PKHD1: variants seen among roughly 807,000 people sequenced by gnomAD.
PKHD1 encodes the protein PKHD1 ciliary IPT domain containing fibrocystin/polyductin, also known as fibrocystin.
In PKHD1, 291 loss-of-function variants were observed where a neutral mutation model predicts 412.0. That is an observed-to-expected ratio of 0.71 (90% CI 0.64 to 0.78). The LOEUF is 0.78. Ranked by LOEUF, PKHD1 falls within the 30% of genes least tolerant of loss-of-function variation. The pLI is 0.00. For missense variants in PKHD1, 4,825 were observed against 4,950.7 expected, an observed-to-expected ratio of 0.97 and a Z score of 0.76; for synonymous variants, 1,777 against 1,821.5, an observed-to-expected ratio of 0.98 and a Z score of 0.62.
intron 23 of PKHD1, among the ~76,000 whole-genome samples, chr6:52,047,399 G>A (rs1806028878): frequency 6.6e-6 from 1 of 152,076 alleles, no homozygotes; most frequent in Admixed American, 6.6e-5. Context: ...CTGCTTGGGA[G>A]GGCAAAAGAC....
chr6:51,819,829 T>G (rs2151445894), intron 52 of PKHD1, among the ~76,000 whole-genome samples: 1 of 152,298 alleles, frequency 6.6e-6, no homozygotes, highest in African/African-American at 2.4e-5. Flanking sequence ...CTCTTTTAGC[T>G]CTCTTGGATG....
intron 21 of PKHD1, among the ~76,000 whole-genome samples, chr6:52,052,694 C>G (rs1431628800): frequency 6.6e-6 from 1 of 152,000 alleles, no homozygotes; most frequent in Non-Finnish European, 1.5e-5. Flanking sequence ...TATTAGACAC[C>G]TTCTATGGAC....
intron 65 of PKHD1, among the ~76,000 whole-genome samples, chr6:51,629,510 G>A (rs1767678431): frequency 6.6e-6 from 1 of 151,722 alleles, no homozygotes. Flanking sequence ...AAACCACAAG[G>A]TATACATTTT....
At chr6:51,834,665 T>TA (rs1768872477) in intron 51 of PKHD1, among the ~76,000 whole-genome samples, 4 of 152,188 alleles carry the variant, frequency 2.6e-5, no homozygotes, top group Admixed American at 2.0e-4. Context: ...CTAGCACAGA[T>TA]ACTACATACA....
chr6:51,987,171 G>A (rs1796323963), intron 35 of PKHD1, among the ~76,000 whole-genome samples: 1 of 152,204 alleles, frequency 6.6e-6, no homozygotes, highest in Non-Finnish European at 1.5e-5. Context: ...GAGTCCAGTT[G>A]TTTTCTCACT....
At chr6:51,856,305 G>C (rs765003667) in intron 48 of PKHD1, among the ~76,000 whole-genome samples, 4 of 152,162 alleles carry the variant, frequency 2.6e-5, no homozygotes, top group Admixed American at 2.6e-4. Context: ...GTGAACTGGA[G>C]GTGGTGACTC....
chr6:51,887,878 G>A (rs1479328839), intron 43 of PKHD1, among the ~76,000 whole-genome samples: 1 of 152,200 alleles, frequency 6.6e-6, no homozygotes, highest in Non-Finnish European at 1.5e-5. Flanking sequence ...CCTCCAGCCA[G>A]CTCAACTAGA....
At chr6:51,656,667 T>C (rs938257384) in intron 61 of PKHD1, among the ~76,000 whole-genome samples, 45 of 151,076 alleles carry the variant, frequency 3.0e-4, no homozygotes, top group African/African-American at 1.1e-3. Context: ...TTCTTTCTTT[T>C]TTTTTTTTTT....
intron 7 of PKHD1, among the ~76,000 whole-genome samples, chr6:52,072,761 C>A (rs1336283531): frequency 4.6e-5 from 7 of 152,116 alleles, no homozygotes; most frequent in African/African-American, 1.7e-4. Flanking sequence ...AAATTAGACA[C>A]CATGTATGGA....
At chr6:51,888,459 AT>A (rs57577144) in intron 43 of PKHD1, among the ~76,000 whole-genome samples, 7 of 150,764 alleles carry the variant, frequency 4.6e-5, no homozygotes, top group African/African-American at 7.3e-5. Flanking sequence ...ACACAGATGT[AT>A]TTTTTTTTGG....
At chr6:51,899,037 C>A (rs1691664148) in intron 43 of PKHD1, among the ~76,000 whole-genome samples, 1 of 152,104 alleles carries the variant, frequency 6.6e-6, no homozygotes, top group Non-Finnish European at 1.5e-5. Flanking sequence ...GCTTACCAAC[C>A]AAAAAGAGTC....
At chr6:51,847,696 C>T (rs1051737265) in intron 50 of PKHD1, 79 bp downstream of exon 50, 1 of 1,060,710 alleles carries the variant, frequency 9.4e-7, no homozygotes, top group Non-Finnish European at 1.5e-6. Flanking sequence ...CACTTCACAG[C>T]ACAAATGTCT....
intron 61 of PKHD1, among the ~76,000 whole-genome samples, chr6:51,657,701 C>T (rs1396286144): frequency 6.6e-6 from 1 of 151,978 alleles, no homozygotes; most frequent in Non-Finnish European, 1.5e-5. Context: ...AATGGCATGC[C>T]CCACATATAT....
At chr6:51,841,782 T>C (rs1411910263) in intron 50 of PKHD1, among the ~76,000 whole-genome samples, 9 of 152,212 alleles carry the variant, frequency 5.9e-5, no homozygotes, top group Admixed American at 5.9e-4. Context: ...CCTAAAGGAA[T>C]TATTTTCCAG....
intron 60 of PKHD1, among the ~76,000 whole-genome samples, chr6:51,739,509 G>A (rs2150936723): frequency 6.6e-6 from 1 of 152,276 alleles, no homozygotes; most frequent in East Asian, 1.9e-4. Flanking sequence ...AGGATTATAG[G>A]CATGAGCCAC....
intron 58 of PKHD1, 84 bp downstream of exon 58, chr6:51,747,703 G>T: frequency 1.2e-5 from 14 of 1,201,294 alleles, no homozygotes; most frequent in Non-Finnish European, 1.6e-5. Flanking sequence ...GTACCTTTTT[G>T]TTGATAAAAT....
chr6:51,638,704 A>G lies in PKHD1; in HGVS notation c.11506+145T>C, dbSNP rs147323378. 954 of 668,138 alleles carry G rather than the reference A, an allele frequency of 1.4e-3. 8 individuals are homozygous for G. In the African/African-American group the frequency reaches 0.016, roughly 11 times the overall value. The allele number at this position is 668,138 out of a possible 1,614,324, so 41.4% of individuals were successfully genotyped here. ...CATGTGCTCTTTCTTCTCAAGCTTA[A>G]TGATACAGTCAAGTGAATTTATTTT... On this transcript the variant is annotated intron_variant, in intron 64 of 66. Transcript: ENST00000371117.
chr6:51,985,483 C>G (rs911233991), intron 35 of PKHD1, among the ~76,000 whole-genome samples: 3 of 152,158 alleles, frequency 2.0e-5, no homozygotes, highest in African/African-American at 7.2e-5. Flanking sequence ...AATCCCAGCA[C>G]TTTAGAAGGC....
intron 20 of PKHD1, 104 bp downstream of exon 20, chr6:52,053,934 C>T (rs1807288464): frequency 8.3e-7 from 1 of 1,205,562 alleles, no homozygotes; most frequent in African/African-American, 1.5e-5. Flanking sequence ...GTGTATGAGG[C>T]CCAAATATAA....
Sources: allele counts gnomAD v4.1 joint callset (sites outside exome capture counted in the v4.1 genomes callset), GRCh38; gene constraint gnomAD v4.1.1; transcripts MANE v1.5; gene names NCBI Gene and HGNC (gene_info 2026-07-23, HGNC 2026-07-21).